SNTG1: variants seen among roughly 807,000 people sequenced by gnomAD.
The protein encoded by SNTG1 is syntrophin gamma 1.
Under a neutral mutation model 74.7 loss-of-function variants are expected in SNTG1, and 39 were observed. The observed-to-expected ratio is 0.52, with a 90% CI of 0.40 to 0.68. The LOEUF is 0.68. SNTG1 is among the 30% of genes least tolerant of loss of function. SNTG1 has a pLI of 0.00. For synonymous variants in SNTG1, 254 were observed against 217.1 expected, an observed-to-expected ratio of 1.17 and a Z score of -1.49; for missense variants, 685 against 609.5, an observed-to-expected ratio of 1.12 and a Z score of -1.30.
chr8:50,597,456 T>A (rs1408026833), intron 13 of SNTG1, among the ~76,000 whole-genome samples: 1 of 150,764 alleles, frequency 6.6e-6, no homozygotes, highest in Non-Finnish European at 1.5e-5. Flanking sequence ...TATTCATTCA[T>A]CTGTATATGA....
intron 1 of SNTG1, among the ~76,000 whole-genome samples, chr8:49,952,477 G>C (rs1055940917): frequency 6.6e-6 from 1 of 152,200 alleles, no homozygotes; most frequent in African/African-American, 2.4e-5. Flanking sequence ...ATCTTGGCCT[G>C]TCTGACAAAT....
chr8:50,103,686 T>C (rs1391268095), intron 1 of SNTG1, among the ~76,000 whole-genome samples: 2 of 152,178 alleles, frequency 1.3e-5, no homozygotes, highest in Non-Finnish European at 2.9e-5. Flanking sequence ...AGAATGATAT[T>C]GGCTGTGGGT....
intron 1 of SNTG1, among the ~76,000 whole-genome samples, chr8:50,074,844 C>A (rs1335953812): frequency 6.6e-6 from 1 of 152,090 alleles, no homozygotes; most frequent in Admixed American, 6.5e-5. Context: ...CCTCTGCTTG[C>A]GAGGGAGTGG....
At chr8:50,679,368 A>T (rs1563733438) in intron 15 of SNTG1, among the ~76,000 whole-genome samples, 1 of 152,138 alleles carries the variant, frequency 6.6e-6, no homozygotes, top group Non-Finnish European at 1.5e-5. Flanking sequence ...GGCCCAATTA[A>T]TATCAACAAT....
At chr8:49,958,640 T>G (rs760955871) in intron 1 of SNTG1, among the ~76,000 whole-genome samples, 1 of 152,116 alleles carries the variant, frequency 6.6e-6, no homozygotes, top group Non-Finnish European at 1.5e-5. Flanking sequence ...AGGCTGGTCT[T>G]GAACTGCTGA....
At chr8:50,055,339 A>C (rs1191698405) in intron 1 of SNTG1, among the ~76,000 whole-genome samples, 1 of 152,046 alleles carries the variant, frequency 6.6e-6, no homozygotes, top group Non-Finnish European at 1.5e-5. Context: ...CTCCCATTTT[A>C]TTATATCTTG....
chr8:50,291,716 G>T (rs1002142813), intron 2 of SNTG1, among the ~76,000 whole-genome samples: 1 of 152,128 alleles, frequency 6.6e-6, no homozygotes, highest in Non-Finnish European at 1.5e-5. Context: ...TAGGCTACAA[G>T]AAAGAAAATG....
At chr8:50,426,641 GAAGA>G (rs1321841197) in intron 4 of SNTG1, among the ~76,000 whole-genome samples, 1 of 151,690 alleles carries the variant, frequency 6.6e-6, no homozygotes, top group African/African-American at 2.4e-5. Flanking sequence ...ATTTATTACT[GAAGA>G]AAGAAAAGTA....
intron 2 of SNTG1, among the ~76,000 whole-genome samples, chr8:50,251,024 A>C (rs2086624396): frequency 6.6e-6 from 1 of 152,028 alleles, no homozygotes; most frequent in South Asian, 2.1e-4. Flanking sequence ...GCTGCAATTA[A>C]TGACTAAGGA....
rs1317126874 is a variant in SNTG1 at position 50,277,259 on chromosome 8, C to T, written c.-28+104624C>T. Among the ~76,000 whole-genome samples the T allele has an allele frequency of 2.8e-5, 3 of 108,484 alleles. No homozygotes were observed. The Admixed American group carries it at 3.2e-4, about 11-fold the overall frequency. 71.2% of individuals were successfully genotyped at this position (108,484 alleles called of 152,430 possible). A position where few individuals can be genotyped will look rare whatever the true frequency, so the allele number is the denominator to read the frequency against. ...TCCCGCTTAGGCAACTGAGCAAGACCCTGCCAAAAAAAAAAAAAAAAAAAA... is the reference window on the plus strand; with the variant it reads ...TCCCGCTTAGGCAACTGAGCAAGACTCTGCCAAAAAAAAAAAAAAAAAAAA... On this transcript the variant is annotated intron_variant, in intron 2 of 18. Coordinates refer to ENST00000642720, the MANE Select transcript of SNTG1 (RefSeq NM_018967.5).
At chr8:50,043,526 C>A (rs1307683994) in intron 1 of SNTG1, among the ~76,000 whole-genome samples, 1 of 152,160 alleles carries the variant, frequency 6.6e-6, no homozygotes, top group Non-Finnish European at 1.5e-5. Flanking sequence ...AAGGGGATGT[C>A]TTTGCACAGA....
intron 13 of SNTG1, among the ~76,000 whole-genome samples, chr8:50,652,089 T>C (rs114357255): frequency 0.022 from 3,373 of 152,304 alleles, 46 homozygotes; most frequent in Middle Eastern, 0.041. Flanking sequence ...CTGTGAACTA[T>C]GTTGCTTAAT....
At chr8:50,284,991 G>T (rs1390343218) in intron 2 of SNTG1, among the ~76,000 whole-genome samples, 1 of 151,954 alleles carries the variant, frequency 6.6e-6, no homozygotes, top group Non-Finnish European at 1.5e-5. Flanking sequence ...CTTCAGATGG[G>T]CAAGTTCTCC....
intron 15 of SNTG1, among the ~76,000 whole-genome samples, chr8:50,702,040 G>C (rs1400726049): frequency 1.5e-5 from 2 of 135,612 alleles, no homozygotes; most frequent in Non-Finnish European, 3.1e-5. Context: ...TATTAGAAAT[G>C]GGGTTTCACC....
intron 1 of SNTG1, among the ~76,000 whole-genome samples, chr8:49,915,677 T>G (rs1022799438): frequency 1.6e-4 from 25 of 152,220 alleles, no homozygotes; most frequent in African/African-American, 5.5e-4. Context: ...GATTAATGTT[T>G]GTCATTAGTG....
intron 1 of SNTG1, among the ~76,000 whole-genome samples, chr8:50,065,698 T>C (rs1478402615): frequency 6.6e-6 from 1 of 152,190 alleles, no homozygotes; most frequent in Non-Finnish European, 1.5e-5. Context: ...ATAAGTACTC[T>C]GGTAGTTTAA....
At chr8:50,085,105 A>C (rs1273467776) in intron 1 of SNTG1, among the ~76,000 whole-genome samples, 1 of 152,246 alleles carries the variant, frequency 6.6e-6, no homozygotes, top group Admixed American at 6.5e-5. Flanking sequence ...TGTCTTCTCC[A>C]GGTAATCCTA....
At chr8:50,686,680 T>G (rs1033585556) in intron 15 of SNTG1, among the ~76,000 whole-genome samples, 8 of 152,178 alleles carry the variant, frequency 5.3e-5, no homozygotes, top group Non-Finnish European at 8.8e-5. Context: ...AATAAGTTAC[T>G]TTTTTTCAGT....
chr8:50,310,300 G>A (rs1158003461), intron 2 of SNTG1, among the ~76,000 whole-genome samples: 1 of 152,192 alleles, frequency 6.6e-6, no homozygotes, highest in Admixed American at 6.5e-5. Context: ...AAAGAATAAA[G>A]ATTTTAATTG....
Sources: gnomAD v4.1 joint callset for allele counts (sites outside exome capture counted in the v4.1 genomes callset) on GRCh38, gnomAD v4.1.1 for gene constraint, MANE v1.5 for transcripts, NCBI Gene and HGNC (gene_info 2026-07-23, HGNC 2026-07-21) for gene names.